TCF7L2: variants seen among roughly 807,000 people sequenced by gnomAD.
The protein encoded by TCF7L2 is transcription factor 7-like 2.
In TCF7L2, 23 loss-of-function variants were observed where a neutral mutation model predicts 77.9. The ratio of observed to expected loss-of-function variants is 0.30; its 90% CI spans 0.21 to 0.42. TCF7L2 has a LOEUF of 0.42. Among genes scored for constraint, TCF7L2 ranks in the 10% least tolerant of loss-of-function variants. The pLI is 1.00. For missense variants in TCF7L2, 654 were observed against 793.1 expected, an observed-to-expected ratio of 0.82 and a Z score of 2.11; for synonymous variants, 413 against 340.2, an observed-to-expected ratio of 1.21 and a Z score of -2.36.
At chr10:113,100,965 C>T (rs2061565099) in intron 5 of TCF7L2, among the ~76,000 whole-genome samples, 2 of 151,986 alleles carry the variant, frequency 1.3e-5, no homozygotes, top group African/African-American at 4.8e-5. Flanking sequence ...ATCCCAGCTA[C>T]TCGGGAGGCT....
chr10:113,164,342 G>A (rs1281700467), intron 13 of TCF7L2, among the ~76,000 whole-genome samples: 1 of 152,188 alleles, frequency 6.6e-6, no homozygotes, highest in African/African-American at 2.4e-5. Context: ...GGAGATGCTG[G>A]TTTTGGTGCA....
chr10:113,152,176 A>C (rs2070890328), intron 10 of TCF7L2, among the ~76,000 whole-genome samples, 157 bp from the exon 11 acceptor site: 1 of 152,242 alleles, frequency 6.6e-6, no homozygotes, highest in Admixed American at 6.5e-5. Context: ...GCCAGGACCC[A>C]GCCGACGGTC....
At chr10:113,003,655 A>G (rs12098411) in intron 4 of TCF7L2, among the ~76,000 whole-genome samples, 1,813 of 152,320 alleles carry the variant, frequency 0.012, 28 homozygotes, top group African/African-American at 0.041. Context: ...GAGCATAGCA[A>G]TTGTCCCTTC....
At chr10:113,045,745 C>T (rs963296585) in intron 5 of TCF7L2, among the ~76,000 whole-genome samples, 12 of 152,216 alleles carry the variant, frequency 7.9e-5, no homozygotes, top group African/African-American at 2.9e-4. Context: ...ATTATCTCCA[C>T]TTTCTCTACT....
chr10:113,012,344 G>A (rs1314393236), intron 4 of TCF7L2, among the ~76,000 whole-genome samples: 8 of 152,178 alleles, frequency 5.3e-5, no homozygotes, highest in Non-Finnish European at 1.2e-4. Context: ...ATGAAACGTA[G>A]GAGAGTGGAG....
chr10:113,118,654 GTTTTTTTTTGTTTT>G (rs777789205), intron 5 of TCF7L2, among the ~76,000 whole-genome samples: 2,316 of 127,942 alleles, frequency 0.018, 59 homozygotes, highest in African/African-American at 0.054. Context: ...TTTTTTTTTT[GTTTTTTTTTGTTTT>G]TTTTTTTTTG....
chr10:112,953,459 G>A (rs2032592083), intron 3 of TCF7L2, among the ~76,000 whole-genome samples: 1 of 152,084 alleles, frequency 6.6e-6, no homozygotes, highest in Admixed American at 6.5e-5. Flanking sequence ...CGCAGTGTTC[G>A]CCTACCAATA....
intron 5 of TCF7L2, among the ~76,000 whole-genome samples, chr10:113,080,661 T>A (rs1395607012): frequency 6.6e-6 from 1 of 152,248 alleles, no homozygotes. Flanking sequence ...TTAAAGCCAT[T>A]TCAATTTCGT....
intron 4 of TCF7L2, among the ~76,000 whole-genome samples, chr10:113,013,756 C>T (rs116656293): frequency 0.013 from 2,035 of 152,254 alleles, 48 homozygotes; most frequent in African/African-American, 0.046. Context: ...CTGAGGTCTA[C>T]GGACCACTGG....
At chr10:113,046,877 G>T (rs541866962) in intron 5 of TCF7L2, among the ~76,000 whole-genome samples, 6 of 152,060 alleles carry the variant, frequency 3.9e-5, no homozygotes, top group Non-Finnish European at 8.8e-5. Context: ...CTGAGTGTAT[G>T]AATATTTATA....
chr10:113,086,277 T>G (rs1357841663), intron 5 of TCF7L2, among the ~76,000 whole-genome samples: 1 of 152,186 alleles, frequency 6.6e-6, no homozygotes, highest in Non-Finnish European at 1.5e-5. Flanking sequence ...TCAAACCCAA[T>G]TCAAACTGGC....
intron 4 of TCF7L2, among the ~76,000 whole-genome samples, chr10:113,028,913 C>G (rs1401927823): frequency 6.6e-6 from 1 of 152,204 alleles, no homozygotes; most frequent in Non-Finnish European, 1.5e-5. Flanking sequence ...TCTCAAAGGT[C>G]ATTTGTTGGC....
intron 5 of TCF7L2, among the ~76,000 whole-genome samples, chr10:113,082,346 T>TATG (rs2059396894): frequency 6.6e-6 from 1 of 151,362 alleles, no homozygotes; most frequent in African/African-American, 2.4e-5. Context: ...TGAAAAAAAT[T>TATG]ATCTTTACCC....
chr10:113,092,479 A>T (rs1237690140), intron 5 of TCF7L2, among the ~76,000 whole-genome samples: 1 of 152,158 alleles, frequency 6.6e-6, no homozygotes, highest in Non-Finnish European at 1.5e-5. Flanking sequence ...TCACAACCTG[A>T]TGGTGTGTCT....
chr10:113,023,984 C>T (rs2048683271), intron 4 of TCF7L2, among the ~76,000 whole-genome samples: 1 of 151,806 alleles, frequency 6.6e-6, no homozygotes, highest in Non-Finnish European at 1.5e-5. Flanking sequence ...AGGTCACTAT[C>T]AGTGGGTCTG....
At chr10:113,145,759 C>T (rs1323486785) in intron 7 of TCF7L2, among the ~76,000 whole-genome samples, 1 of 152,162 alleles carries the variant, frequency 6.6e-6, no homozygotes, top group Non-Finnish European at 1.5e-5. Context: ...CTAGTTTCAG[C>T]TTGGGGAGAG....
rs116166391 is a variant in TCF7L2, at chr10:113,064,997, C to T, written c.552+24871C>T. Reference sequence around the variant, plus strand: ...CCTTCATATTTCCATGCATATTCACCCAGAGACCAGAAGGCTTTGTGTAGA... The same window carrying T: ...CCTTCATATTTCCATGCATATTCACTCAGAGACCAGAAGGCTTTGTGTAGA... On this transcript the variant is annotated intron_variant, in intron 5 of 13. Transcript: ENST00000627217. 7.5e-3 allele frequency among the ~76,000 whole-genome samples: 1,145 copies of T among 152,304 alleles called. 20 individuals are homozygous for T. The highest frequency in any genetic ancestry group is 0.025 in the African/African-American group (1,025 of 41,562).
intron 3 of TCF7L2, among the ~76,000 whole-genome samples, chr10:112,962,433 G>T (rs118017198): frequency 2.6e-5 from 4 of 152,018 alleles, no homozygotes; most frequent in Non-Finnish European, 5.9e-5. Context: ...TTCCAGGCTC[G>T]CAGAGAAACC....
At chr10:113,126,164 TTC>T (rs1263260886) in intron 5 of TCF7L2, 2 of 152,020 alleles carry the variant, frequency 1.3e-5, no homozygotes, top group Non-Finnish European at 2.9e-5. Flanking sequence ...TTGTTCTGAA[TTC>T]TTTTACATAT....
Sources: allele counts gnomAD v4.1 joint callset (sites outside exome capture counted in the v4.1 genomes callset), GRCh38; gene constraint gnomAD v4.1.1; transcripts MANE v1.5; gene names NCBI Gene and HGNC (gene_info 2026-07-23, HGNC 2026-07-21).